THNSL1: variants seen among roughly 807,000 people sequenced by gnomAD.
THNSL1 encodes threonine synthase like 1, also known as threonine synthase-like 1.
A neutral mutation model predicts 50.4 loss-of-function variants in THNSL1; 48 were observed. The ratio of observed to expected loss-of-function variants is 0.95; its 90% CI spans 0.76 to 1.21. The LOEUF (loss-of-function observed/expected upper bound fraction) is 1.21, where lower values mean the gene tolerates loss of function less well. Among genes scored for constraint, THNSL1 ranks in the 50% most tolerant of loss-of-function variants. THNSL1 has a pLI of 0.00. For missense variants in THNSL1, 896 were observed against 871.7 expected (o/e 1.03, Z -0.35); for synonymous variants, 309 against 306.1 (o/e 1.01, Z -0.10).
the THNSL1 span, among the ~76,000 whole-genome samples, chr10:24,994,434 A>G: frequency 1.3e-5 from 2 of 151,610 alleles, no homozygotes; most frequent in South Asian, 2.1e-4. Context: ...CCTGGGATCA[A>G]GCGATTCTCG....
At chr10:25,015,231 T>C (rs1371936035), upstream of THNSL1, among the ~76,000 whole-genome samples, 1 of 152,232 alleles carries the variant, frequency 6.6e-6, no homozygotes, top group Non-Finnish European at 1.5e-5. Context: ...CTAAGACCTA[T>C]GTAAAATTTC....
chr10:24,978,513 C>T, the THNSL1 span, among the ~76,000 whole-genome samples: 2 of 150,746 alleles, frequency 1.3e-5, no homozygotes, highest in South Asian at 2.1e-4. Context: ...CTCTCTCTCT[C>T]TTTATAAATA....
At chr10:24,956,465 A>ATTT in the THNSL1 span, among the ~76,000 whole-genome samples, 3 of 131,778 alleles carry the variant, frequency 2.3e-5, no homozygotes, top group African/African-American at 9.1e-5. Flanking sequence ...CATTTTATTT[A>ATTT]TTTTTTTTTT....
chr10:24,966,248 A>T, the THNSL1 span, among the ~76,000 whole-genome samples: 2 of 152,258 alleles, frequency 1.3e-5, no homozygotes, highest in South Asian at 2.1e-4. Flanking sequence ...CATCAATGCC[A>T]CCTTTATATT....
upstream of THNSL1, chr10:25,015,856 A>G: frequency 6.2e-7 from 1 of 1,600,106 alleles, no homozygotes; most frequent in Admixed American, 1.7e-5. Context: ...GCTTATCCAC[A>G]TACCTAGGAG....
chr10:24,967,965 ATGTATGATGTGTGTG>A, the THNSL1 span, among the ~76,000 whole-genome samples: 139 of 141,156 alleles, frequency 9.8e-4, no homozygotes, highest in African/African-American at 3.4e-3. Context: ...ATGTGTGTGT[ATGTATGATGTGTGTG>A]TATATATGTG....
At chr10:24,968,942 G>A in the THNSL1 span, among the ~76,000 whole-genome samples, 29 of 152,164 alleles carry the variant, frequency 1.9e-4, no homozygotes, top group Admixed American at 1.8e-3. Context: ...CACCCAGGCT[G>A]GAGTCCACTG....
the THNSL1 span, among the ~76,000 whole-genome samples, chr10:24,971,505 C>A: frequency 2.6e-5 from 4 of 152,176 alleles, no homozygotes; most frequent in African/African-American, 9.7e-5. Flanking sequence ...ATTCTTATAG[C>A]CTGGCTCATA....
the THNSL1 span, among the ~76,000 whole-genome samples, chr10:24,985,575 ACAG>A: frequency 4.5e-4 from 68 of 152,372 alleles, no homozygotes; most frequent in African/African-American, 1.6e-3. Flanking sequence ...AATGTAGCTA[ACAG>A]TTTCTATTCT....
At position 25,026,636 on chromosome 10, in the gene THNSL1, C is replaced by T. The variant is rs1291470214; in HGVS notation, c.*1181C>T. On this transcript the variant is annotated 3_prime_UTR_variant, in exon 3 of 3. Transcript: ENST00000376356. ...TGTTTGTGAATTTACTGGATGTTTTCTTTCTGAATTAAAGATTGTCAAGAC... is the reference window on the plus strand; with the variant it reads ...TGTTTGTGAATTTACTGGATGTTTTTTTTCTGAATTAAAGATTGTCAAGAC... The T allele has an allele frequency of 2.5e-5, 4 of 162,672 alleles. No individual in the cohort carries two copies. In the East Asian group the frequency reaches 7.7e-4, roughly 31 times the overall value. 10.1% of individuals were successfully genotyped at this position (162,672 alleles called of 1,614,324 possible).
the THNSL1 span, among the ~76,000 whole-genome samples, chr10:24,973,384 A>G: frequency 1.3e-5 from 2 of 151,106 alleles, no homozygotes; most frequent in South Asian, 4.2e-4. Context: ...ACAAAGGGAC[A>G]ATTCAGGTCC....
At chr10:24,993,849 G>T in the THNSL1 span, among the ~76,000 whole-genome samples, 18 of 152,186 alleles carry the variant, frequency 1.2e-4, no homozygotes, top group African/African-American at 4.3e-4. Flanking sequence ...CAGAAGGGAG[G>T]GGCAGAGTGT....
At chr10:24,986,406 C>A in the THNSL1 span, among the ~76,000 whole-genome samples, 8 of 152,034 alleles carry the variant, frequency 5.3e-5, no homozygotes, top group Non-Finnish European at 1.0e-4. Flanking sequence ...AAAAAGTATC[C>A]AGGTTAAATT....
the THNSL1 span, among the ~76,000 whole-genome samples, chr10:25,002,080 G>C: frequency 6.6e-6 from 1 of 152,212 alleles, no homozygotes; most frequent in Non-Finnish European, 1.5e-5. Flanking sequence ...AAGTGTTAGG[G>C]TAATTCCACA....
chr10:24,976,062 A>T, the THNSL1 span, among the ~76,000 whole-genome samples: 10 of 152,338 alleles, frequency 6.6e-5, 1 homozygote, highest in African/African-American at 7.2e-5. Flanking sequence ...ACAGAAGGGA[A>T]GCCACATGCC....
At chr10:24,978,496 C>A in the THNSL1 span, among the ~76,000 whole-genome samples, 1 of 148,420 alleles carries the variant, frequency 6.7e-6, no homozygotes, top group East Asian at 2.0e-4. Flanking sequence ...TTTTCTTCTC[C>A]TTCTCTCTCT....
chr10:25,024,185 A>G lies in THNSL1; in HGVS notation c.962A>G (p.Asn321Ser). ...GEMIETAYGE[N>S]FACSKIAPVR... is the part of the protein sequence containing the mutation. ...ATGATTGAAACTGCTTATGGGGAAA[A>G]CTTTGCCTGCTCAAAAATTGCTCCT... The change falls in exon 3 of 3, where the codon AAC becomes AGC. Residue 321 changes from asparagine (N) to serine (S), a missense_variant. Physicochemically the swap from Asn to Ser is conservative, Grantham distance 46 (BLOSUM62 1). Coordinates refer to ENST00000376356, the MANE Select transcript of THNSL1 (RefSeq NM_024838.5). 1.2e-6 allele frequency: 2 copies of G among 1,614,158 alleles called. No individual in the cohort carries two copies. The highest frequency in any genetic ancestry group is 1.6e-4 in the Middle Eastern group (1 of 6,062).
chr10:24,988,358 GTATATATATT>G, the THNSL1 span, among the ~76,000 whole-genome samples: 3 of 140,770 alleles, frequency 2.1e-5, no homozygotes, highest in African/African-American at 7.9e-5. Context: ...TTATATATGT[GTATATATATT>G]TATATATGTA....
chr10:24,987,698 C>T, the THNSL1 span, among the ~76,000 whole-genome samples: 10 of 152,172 alleles, frequency 6.6e-5, no homozygotes, highest in Non-Finnish European at 1.2e-4. Context: ...GTTACCTCCT[C>T]TGCAAGTATG....
Sources: allele counts gnomAD v4.1 joint callset (sites outside exome capture counted in the v4.1 genomes callset), GRCh38; gene constraint gnomAD v4.1.1; transcripts MANE v1.5; gene names NCBI Gene and HGNC (gene_info 2026-07-23, HGNC 2026-07-21).